Variants in ARID2 observed in about 807,000 individuals in gnomAD.
ARID2 encodes the protein AT-rich interaction domain 2.
In ARID2, 32 loss-of-function variants were observed where a neutral mutation model predicts 184.6. The ratio of observed to expected loss-of-function variants is 0.17; its 90% confidence interval spans 0.13 to 0.23. The LOEUF is 0.23. ARID2 is among the 10% of genes least tolerant of loss of function. The pLI, the probability that ARID2 is intolerant of heterozygous loss-of-function variation, is 1.00. For missense variants in ARID2, 1,696 were observed against 2,197.6 expected (o/e 0.77, Z 4.56); for synonymous variants, 836 against 772.6 (o/e 1.08, Z -1.36).
chr12:45,851,991 G>T lies in ARID2; in HGVS notation c.3868G>T (p.Val1290Leu), dbSNP rs777982636. 1 of 1,614,154 alleles carries T rather than the reference G, an allele frequency of 6.2e-7. No homozygotes were observed. The highest frequency in any genetic ancestry group is 1.1e-5 in the South Asian group (1 of 91,082). The change falls in exon 15 of 21, where the codon GTG becomes TTG. Residue 1290 changes from valine (V) to leucine (L), a missense_variant. Coordinates refer to ENST00000334344, the MANE Select transcript of ARID2 (RefSeq NM_152641.4). ...GGATACAAAGGAAAATGAAATGCAT[G>T]TGGGAAGTCTTTTAAATGGGAGAAA... ...NGDTKENEMH[V>L]GSLLNGRKYS...
chr12:45,793,995 G>A (rs142491169), intron 3 of ARID2, among the ~76,000 whole-genome samples: 4 of 152,098 alleles, frequency 2.6e-5, no homozygotes, highest in Non-Finnish European at 5.9e-5. Flanking sequence ...CTTGCCTGGG[G>A]TTTTAATCTG....
In ARID2 at chr12:45,852,326, C is replaced by T. The variant is rs748573292; in HGVS notation, c.4203C>T (p.Ile1401=). Residue 1401 remains isoleucine (I), a synonymous_variant, in exon 15 of 21, where the codon ATC becomes ATT. Transcript: ENST00000334344. The stretch of plus-strand genomic sequence containing the variant: ...TGGAACCACAAGGGACTTTAGATAT[C>T]ACTCAGCAAGATACTGCCAAAGGTG... ...SPMEPQGTLD[I]TQQDTAKGDQ... 3 of 1,614,132 alleles carry T rather than the reference C, an allele frequency of 1.9e-6. No homozygotes were observed. The highest frequency in any genetic ancestry group is 1.7e-6 in the Non-Finnish European group (2 of 1,180,008).
At position 45,849,765 on chromosome 12, in the gene ARID2, C is replaced by G. The variant is rs754534654; in HGVS notation, c.1901C>G (p.Pro634Arg). 1 of 1,610,832 alleles carries G rather than the reference C, an allele frequency of 6.2e-7. No homozygotes were observed. The highest frequency in any genetic ancestry group is 1.7e-5 in the Admixed American group (1 of 59,802). The change falls in exon 14 of 21, where the codon CCT (proline) becomes CGT (arginine). Residue 634 changes from proline (P) to arginine (R), a missense_variant. This residue lies in a region of ARID2 where 713 missense variants were observed against 824.4 expected (regional missense o/e 0.86). Coordinates refer to ENST00000334344, the MANE Select transcript of ARID2 (RefSeq NM_152641.4). ...TCTGTTCCTGATGTATCTCCTGCTC[C>G]TTCACCTGCAGGTGTTAATTTTTAT... ...VDSVPDVSPA[P>R]SPAGIPHGSQ... is the part of the protein sequence containing the mutation.
intron 3 of ARID2, among the ~76,000 whole-genome samples, chr12:45,742,253 A>G (rs775343301): frequency 3.9e-5 from 6 of 152,238 alleles, no homozygotes; most frequent in Non-Finnish European, 5.9e-5. Context: ...ATAAGAATAT[A>G]ATATTTTTAC....
intron 3 of ARID2, among the ~76,000 whole-genome samples, chr12:45,748,596 T>C (rs1285016783): frequency 6.6e-6 from 1 of 152,172 alleles, no homozygotes; most frequent in African/African-American, 2.4e-5. Context: ...ATCGATCAAC[T>C]CTTTCTTTCA....
chr12:45,768,724 CT>C (rs1441928842), intron 3 of ARID2, among the ~76,000 whole-genome samples: 2 of 152,068 alleles, frequency 1.3e-5, no homozygotes, highest in African/African-American at 4.8e-5. Context: ...TGGGAGGAGT[CT>C]TTTTGGGGTC....
At chr12:45,804,129 G>T (rs763239517) in intron 3 of ARID2, among the ~76,000 whole-genome samples, 1 of 152,146 alleles carries the variant, frequency 6.6e-6, no homozygotes, top group Non-Finnish European at 1.5e-5. Flanking sequence ...TACTGTTGTG[G>T]CTGAAGTTGG....
At chr12:45,823,260 A>T (rs1043044116) in intron 6 of ARID2, among the ~76,000 whole-genome samples, 1 of 152,178 alleles carries the variant, frequency 6.6e-6, no homozygotes, top group Non-Finnish European at 1.5e-5. Context: ...GAAATTTAAA[A>T]TGGAAACACA....
rs191032234 is a variant in ARID2, at chr12:45,837,091, A to C, written c.1023+100A>C. On this transcript the variant is annotated intron_variant, in intron 8 of 20. Coordinates refer to ENST00000334344, the MANE Select transcript of ARID2 (RefSeq NM_152641.4). ...TTTATAGTTGCCATATTTATAGACT[A>C]TTAAATGCTTACATGTATTAGTTGC... 6 of 1,427,626 alleles carry C rather than the reference A, an allele frequency of 4.2e-6. No individual in the cohort carries two copies. In the Admixed American group the frequency reaches 6.8e-5, roughly 16 times the overall value. The allele number at this position is 1,427,626 out of a possible 1,614,324, so 88.4% of individuals were successfully genotyped here.
rs758509392 is a variant in ARID2 at position 45,851,930 on chromosome 12, G to C, written c.3807G>C (p.Pro1269=). ...GTAAAATTGAAGTCATGGAGAACCC[G>C]TCCTGCCGACGAGGAGCCACAAACA... is the stretch of plus-strand genomic sequence containing the variant. ...HERKIEVMEN[P]SCRRGATNTS... is the part of the protein sequence containing the mutation. The change falls in exon 15 of 21, where the codon CCG becomes CCC. Residue 1269 remains proline, a synonymous_variant. Transcript: ENST00000334344. 1 of 1,614,160 alleles carries C rather than the reference G, an allele frequency of 6.2e-7. No homozygotes were observed.
At chr12:45,898,799 C>T (rs540799105) in intron 20 of ARID2, among the ~76,000 whole-genome samples, 1 of 152,184 alleles carries the variant, frequency 6.6e-6, no homozygotes, top group African/African-American at 2.4e-5. Context: ...TGCCTGTAAT[C>T]CCAGCTACTC....
intron 3 of ARID2, among the ~76,000 whole-genome samples, chr12:45,808,378 G>A (rs1429337211): frequency 6.6e-6 from 1 of 152,150 alleles, no homozygotes; most frequent in African/African-American, 2.4e-5. Flanking sequence ...TAATGGCAGT[G>A]AGAACAAGTA....
At chr12:45,834,251 TA>T (rs1943173750) in intron 6 of ARID2, among the ~76,000 whole-genome samples, 1 of 152,114 alleles carries the variant, frequency 6.6e-6, no homozygotes, top group African/African-American at 2.4e-5. Flanking sequence ...TTCTAAATTT[TA>T]AATTTACCTT....
intron 20 of ARID2, among the ~76,000 whole-genome samples, chr12:45,898,753 T>G (rs1944403059): frequency 6.6e-6 from 1 of 151,682 alleles, no homozygotes; most frequent in Non-Finnish European, 1.5e-5. Flanking sequence ...CCATCTCTAC[T>G]AAAAAATATA....
intron 3 of ARID2, among the ~76,000 whole-genome samples, chr12:45,759,089 C>G (rs1359355388): frequency 6.6e-6 from 1 of 151,950 alleles, no homozygotes; most frequent in Non-Finnish European, 1.5e-5. Flanking sequence ...ATTAATTATT[C>G]TGATATGCTT....
chr12:45,821,994 A>T (rs773832029), intron 6 of ARID2, among the ~76,000 whole-genome samples: 1 of 152,230 alleles, frequency 6.6e-6, no homozygotes, highest in Non-Finnish European at 1.5e-5. Flanking sequence ...TTCTCACTTA[A>T]CACTTGTCTA....
chr12:45,786,811 T>TA (rs1173304637), intron 3 of ARID2, among the ~76,000 whole-genome samples: 1 of 152,118 alleles, frequency 6.6e-6, no homozygotes, highest in South Asian at 2.1e-4. Flanking sequence ...TATTCAGCCG[T>TA]AAAAAAGAAC....
intron 3 of ARID2, among the ~76,000 whole-genome samples, chr12:45,744,234 T>C (rs1362664345): frequency 6.6e-6 from 1 of 152,230 alleles, no homozygotes; most frequent in Non-Finnish European, 1.5e-5. Context: ...GCCTGTTATA[T>C]GTTTTGATGC....
intron 2 of ARID2, among the ~76,000 whole-genome samples, chr12:45,730,595 C>T (rs1940970880): frequency 6.6e-6 from 1 of 152,074 alleles, no homozygotes; most frequent in Non-Finnish European, 1.5e-5. Flanking sequence ...AAAATTAGCG[C>T]GGGCAGGTTT....
Sources: allele counts gnomAD v4.1 joint callset (sites outside exome capture counted in the v4.1 genomes callset), GRCh38; gene constraint gnomAD v4.1.1; regional missense constraint gnomAD v4.1.1; transcripts MANE v1.5; gene names NCBI Gene and HGNC (gene_info 2026-07-23, HGNC 2026-07-21).